Variants in SORBS2 observed in about 807,000 individuals in gnomAD.
SORBS2 encodes the protein sorbin and SH3 domain containing 2, also known as sorbin and SH3 domain-containing protein 2.
SORBS2 carries 46 observed loss-of-function variants against 97.7 expected under a neutral mutation model. The ratio of observed to expected loss-of-function variants is 0.47; its 90% confidence interval spans 0.37 to 0.60. SORBS2 has a LOEUF of 0.60. Among genes scored for constraint, SORBS2 ranks in the 20% least tolerant of loss-of-function variants. The pLI is 0.00. For missense variants in SORBS2, 1,316 were observed against 1,282.3 expected, an observed-to-expected ratio of 1.03 and a Z score of -0.40; for synonymous variants, 476 against 473.4, an observed-to-expected ratio of 1.01 and a Z score of -0.07.
intron 2 of SORBS2, among the ~76,000 whole-genome samples, chr4:185,718,367 G>A (rs2098483509): frequency 6.6e-6 from 1 of 152,150 alleles, no homozygotes; most frequent in Admixed American, 6.5e-5. Flanking sequence ...GAATGCAGCT[G>A]AACAGTACTC....
chr4:185,757,848 G>A (rs760428046), intron 2 of SORBS2, among the ~76,000 whole-genome samples: 21 of 152,180 alleles, frequency 1.4e-4, no homozygotes, highest in Non-Finnish European at 2.8e-4. Flanking sequence ...TAGGTGTTCT[G>A]TAAAATTTAA....
At chr4:185,943,326 G>C (rs1561324504) in intron 1 of SORBS2, among the ~76,000 whole-genome samples, 1 of 152,206 alleles carries the variant, frequency 6.6e-6, no homozygotes, top group African/African-American at 2.4e-5. Context: ...TTTTTGGAAA[G>C]ATCTGGCAGT....
rs2099153884 is a variant in SORBS2, at chr4:185,806,434, C to CTGT, written c.-337-31069_-337-31068insACA. Among the ~76,000 whole-genome samples, 46 of 108,150 alleles carry CTGT rather than the reference C, an allele frequency of 4.3e-4. 22 individuals carry two copies. The highest frequency in any genetic ancestry group is 8.4e-4 in the African/African-American group (23 of 27,296). 71.0% of individuals were successfully genotyped at this position (108,150 alleles called of 152,430 possible). A position where few individuals can be genotyped will look rare whatever the true frequency, so the allele number is the denominator to read the frequency against. On this transcript the variant is annotated intron_variant, in intron 1 of 20. Transcript: ENST00000284776. ...AGTGGCACAGCTCTTGGCTAGAATC[C>CTGT]TATTTTTTTTTTTTTTTTTTTTTTT...
upstream of SORBS2, among the ~76,000 whole-genome samples, chr4:185,660,211 T>C (rs1451696888): frequency 6.6e-6 from 1 of 152,180 alleles, no homozygotes; most frequent in African/African-American, 2.4e-5. Flanking sequence ...TTGTTGTTGT[T>C]GTTGGGTGGG....
chr4:185,736,683 C>T (rs1211491752), intron 2 of SORBS2, among the ~76,000 whole-genome samples: 1 of 152,162 alleles, frequency 6.6e-6, no homozygotes, highest in Non-Finnish European at 1.5e-5. Flanking sequence ...TTGCTTGGCT[C>T]AGGGCCACTG....
chr4:185,715,913 A>T (rs530158039), intron 2 of SORBS2, among the ~76,000 whole-genome samples: 1 of 152,382 alleles, frequency 6.6e-6, no homozygotes, highest in African/African-American at 2.4e-5. Flanking sequence ...TATTCTTAAC[A>T]GTCATGCCCA....
intron 1 of SORBS2, among the ~76,000 whole-genome samples, chr4:185,845,516 A>G (rs1179965085): frequency 3.3e-5 from 5 of 152,216 alleles, no homozygotes; most frequent in Non-Finnish European, 7.3e-5. Flanking sequence ...GTTAGAAAAA[A>G]TGCTTTATAT....
intron 1 of SORBS2, among the ~76,000 whole-genome samples, chr4:185,911,805 AC>A (rs2099255252): frequency 6.6e-6 from 1 of 152,062 alleles, no homozygotes; most frequent in South Asian, 2.1e-4. Context: ...AAAATAGAAG[AC>A]CTGGCTGGGT....
chr4:185,769,534 A>C (rs2098957037), intron 2 of SORBS2, among the ~76,000 whole-genome samples: 1 of 152,228 alleles, frequency 6.6e-6, no homozygotes, highest in Non-Finnish European at 1.5e-5. Context: ...CTTGTTGCCC[A>C]GGCTGGAGTG....
At position 185,889,950 on chromosome 4, in the gene SORBS2, G is replaced by A. The variant is rs189251073; in HGVS notation, c.-338+66246C>T. 6.6e-3 allele frequency among the ~76,000 whole-genome samples: 997 copies of A among 152,084 alleles called. 3 individuals are homozygous for A. The highest frequency in any genetic ancestry group is 0.01 in the Non-Finnish European group (686 of 67,992). Reference sequence around the variant, plus strand: ...CCCCCAGGCTGGAGTGCAATGGTGCGATCTCAACTCACTGCAACCTCTGCC... The same window carrying A: ...CCCCCAGGCTGGAGTGCAATGGTGCAATCTCAACTCACTGCAACCTCTGCC... On this transcript the variant is annotated intron_variant, in intron 1 of 20. Coordinates refer to the SORBS2 transcript ENST00000284776.
At chr4:185,907,002 GGT>G in intron 1 of SORBS2, among the ~76,000 whole-genome samples, 1 of 152,082 alleles carries the variant, frequency 6.6e-6, no homozygotes, top group Non-Finnish European at 1.5e-5. Context: ...AGGGTGTGGT[GGT>G]GCGAGCCTGT....
intron 12 of SORBS2, 150 bp downstream of exon 24, chr4:185,611,630 G>A: frequency 1.7e-6 from 1 of 583,098 alleles, no homozygotes; most frequent in South Asian, 2.7e-5. Context: ...TATATTTACT[G>A]ATGTGGCACT....
At chr4:185,779,477 A>T (rs1428976398) in intron 1 of SORBS2, among the ~76,000 whole-genome samples, 1 of 152,228 alleles carries the variant, frequency 6.6e-6, no homozygotes, top group Non-Finnish European at 1.5e-5. Flanking sequence ...TTTTTAAAAG[A>T]TACTGTGGTG....
At chr4:185,721,081 A>ATTTTTTT (rs2098509431) in intron 2 of SORBS2, among the ~76,000 whole-genome samples, 10 of 69,614 alleles carry the variant, frequency 1.4e-4, no homozygotes, top group East Asian at 1.3e-3. Flanking sequence ...TTTCCCACCT[A>ATTTTTTT]TTCTTTTTTT....
chr4:185,950,237 C>A (rs2099276563), intron 1 of SORBS2, among the ~76,000 whole-genome samples: 3 of 118,658 alleles, frequency 2.5e-5, no homozygotes, highest in South Asian at 5.7e-4. Flanking sequence ...GGGCAACGAG[C>A]AAGACTGTCT....
At chr4:185,773,351 TA>T (rs1461580766) in intron 2 of SORBS2, 6 of 152,326 alleles carry the variant, frequency 3.9e-5, no homozygotes, top group African/African-American at 1.2e-4. Flanking sequence ...TCTTATAATG[TA>T]GATTTGAAGG....
intron 1 of SORBS2, among the ~76,000 whole-genome samples, chr4:185,867,294 G>A (rs2099227444): frequency 6.6e-6 from 1 of 152,186 alleles, no homozygotes; most frequent in South Asian, 2.1e-4. Flanking sequence ...AGAGGCATGA[G>A]CCACCGCGCC....
chr4:185,628,572 T>G (rs537281335), intron 5 of SORBS2, among the ~76,000 whole-genome samples: 1 of 152,314 alleles, frequency 6.6e-6, no homozygotes, highest in Non-Finnish European at 1.5e-5. Context: ...GACAACCTAG[T>G]GAGACTCTGT....
chr4:185,656,809 T>G, exon 1 of SORBS2: 2 of 1,390,584 alleles, frequency 1.4e-6, no homozygotes, highest in Non-Finnish European at 1.9e-6. Flanking sequence ...TTTTAAAACT[T>G]AAAAAAAAAT....
Sources: allele counts gnomAD v4.1 joint callset (sites outside exome capture counted in the v4.1 genomes callset), GRCh38; gene constraint gnomAD v4.1.1; transcripts MANE v1.5; gene names NCBI Gene and HGNC (gene_info 2026-07-23, HGNC 2026-07-21).